PXDNL: variants seen among roughly 807,000 people sequenced by gnomAD.
The protein encoded by PXDNL is peroxidasin like, also known as probable oxidoreductase PXDNL.
PXDNL carries 145 observed loss-of-function variants against 150.8 expected under a neutral mutation model. The observed-to-expected ratio is 0.96, with a 90% CI of 0.84 to 1.10. The LOEUF (loss-of-function observed/expected upper bound fraction) is 1.10. Among genes scored for constraint, PXDNL ranks in the 50% least tolerant of loss-of-function variants. The probability of loss-of-function intolerance (pLI) is 0.00; values close to 1 mark genes in which losing one functional copy is unlikely to be tolerated. For missense variants in PXDNL, 2,087 were observed against 1,873.9 expected (o/e 1.11, Z -2.10); for synonymous variants, 757 against 725.7 (o/e 1.04, Z -0.69).
At chr8:51,453,436 G>A in intron 10 of PXDNL, 83 bp downstream of exon 10, 2 of 1,342,046 alleles carry the variant, frequency 1.5e-6, no homozygotes, top group Non-Finnish European at 1.1e-6. Flanking sequence ...CTCCACTGAT[G>A]TACATGACAT....
intron 1 of PXDNL, among the ~76,000 whole-genome samples, chr8:51,726,237 T>A (rs1816814965): frequency 6.6e-6 from 1 of 152,182 alleles, no homozygotes; most frequent in Admixed American, 6.5e-5. Context: ...ATGAGTCCCA[T>A]TACCTCTGGC....
chr8:51,684,034 G>C (rs1332920455), intron 1 of PXDNL, among the ~76,000 whole-genome samples: 1 of 152,144 alleles, frequency 6.6e-6, no homozygotes, highest in Non-Finnish European at 1.5e-5. Context: ...GTTTAAATTA[G>C]CAGTTCAGAA....
At chr8:51,414,573 C>T (rs1410904587) in intron 14 of PXDNL, among the ~76,000 whole-genome samples, 2 of 151,416 alleles carry the variant, frequency 1.3e-5, no homozygotes, top group Non-Finnish European at 2.9e-5. Flanking sequence ...CTCTAAATGG[C>T]CAATGTTGCC....
At chr8:51,420,153 G>C (rs1808909075) in intron 14 of PXDNL, among the ~76,000 whole-genome samples, 1 of 152,142 alleles carries the variant, frequency 6.6e-6, no homozygotes, top group African/African-American at 2.4e-5. Context: ...AAACTCAAAA[G>C]TCATGATCAC....
rs1370331286 is a variant in PXDNL, at chr8:51,408,612, G to T, written c.3012C>A (p.Ile1004=). The change falls in exon 17 of 23, where the codon ATC becomes ATA. Residue 1004 remains isoleucine, a synonymous_variant. Coordinates refer to ENST00000356297, the MANE Select transcript of PXDNL (RefSeq NM_144651.5). ...GNTVYQEARK[I]VGAELQHITY... ...TGATGTGCTGCAGCTCCGCGCCCAC[G>T]ATCTTCCTGGCTTCCTGGTAAACCG... 6.2e-7 allele frequency: 1 copy of T among 1,610,688 alleles called. No individual in the cohort carries two copies. The highest frequency in any genetic ancestry group is 8.5e-7 in the Non-Finnish European group (1 of 1,178,556).
intron 1 of PXDNL, among the ~76,000 whole-genome samples, chr8:51,808,605 C>A (rs1439580490): frequency 6.6e-6 from 1 of 152,180 alleles, no homozygotes; most frequent in Non-Finnish European, 1.5e-5. Flanking sequence ...GCCGATTAGT[C>A]TAAGCGGCTG....
intron 19 of PXDNL, among the ~76,000 whole-genome samples, chr8:51,369,367 T>A (rs1026345639): frequency 2.0e-5 from 3 of 152,188 alleles, no homozygotes; most frequent in African/African-American, 7.2e-5. Context: ...CATAGAGCAA[T>A]GTTTCTGTTA....
chr8:51,402,026 C>T (rs987234863), intron 17 of PXDNL, among the ~76,000 whole-genome samples: 3 of 152,088 alleles, frequency 2.0e-5, no homozygotes, highest in South Asian at 2.1e-4. Flanking sequence ...GCAACCTTTT[C>T]GGGCAAAGGA....
chr8:51,784,191 A>G (rs2037440214), intron 1 of PXDNL, among the ~76,000 whole-genome samples: 2 of 152,244 alleles, frequency 1.3e-5, no homozygotes, highest in Admixed American at 6.5e-5. Flanking sequence ...GACATATTTG[A>G]TAAATAATTT....
chr8:51,765,839 CCT>C (rs1269582285), intron 1 of PXDNL, among the ~76,000 whole-genome samples: 8 of 115,928 alleles, frequency 6.9e-5, no homozygotes, highest in African/African-American at 2.4e-4. Flanking sequence ...TTTTAATTCC[CCT>C]GTTTATTCTT....
At position 51,604,148 on chromosome 8, in the gene PXDNL, G is replaced by T. The variant is rs934177697; in HGVS notation, c.237-11450C>A. Among the ~76,000 whole-genome samples the T allele has an allele frequency of 3.3e-5, 5 of 151,994 alleles. No individual in the cohort carries two copies. The East Asian group carries it at 7.7e-4, about 24-fold the overall frequency. On this transcript the variant is annotated intron_variant, in intron 2 of 22. Coordinates refer to ENST00000356297, the MANE Select transcript of PXDNL (RefSeq NM_144651.5). Reference sequence around the variant, plus strand: ...ATTTGACCCAGCCATCCCATTACTGGGTATATACCCAAAGGATTATAAATC... The same window carrying T: ...ATTTGACCCAGCCATCCCATTACTGTGTATATACCCAAAGGATTATAAATC...
intron 19 of PXDNL, among the ~76,000 whole-genome samples, chr8:51,364,005 A>C (rs1806835405): frequency 6.6e-6 from 1 of 152,214 alleles, no homozygotes; most frequent in Non-Finnish European, 1.5e-5. Flanking sequence ...GGTATTGTAG[A>C]TTAATGACAA....
intron 4 of PXDNL, among the ~76,000 whole-genome samples, chr8:51,501,794 T>C (rs1295276731): frequency 1.3e-5 from 2 of 151,924 alleles, no homozygotes; most frequent in African/African-American, 4.8e-5. Context: ...AAAAAGGAGG[T>C]AGGGGCTGGG....
chr8:51,630,091 CAT>C (rs1814460186), intron 2 of PXDNL, among the ~76,000 whole-genome samples: 1 of 152,024 alleles, frequency 6.6e-6, no homozygotes, highest in Non-Finnish European at 1.5e-5. Context: ...AAAACAAACA[CAT>C]AGACCAATGG....
rs570879735 is a variant in PXDNL at position 51,781,170 on chromosome 8, G to T, written c.164+28011C>A. ...GTTAAATAAAATATTTATATTATAG[G>T]CATGCATTGTGGAAAGGAGACCTCT... is the stretch of plus-strand genomic sequence containing the variant. On this transcript the variant is annotated intron_variant, in intron 1 of 22. Coordinates refer to ENST00000356297, the MANE Select transcript of PXDNL (RefSeq NM_144651.5). Among the ~76,000 whole-genome samples, 3 of 152,192 alleles carry T rather than the reference G, an allele frequency of 2.0e-5. No homozygotes were observed. In the South Asian group the frequency reaches 6.2e-4, roughly 32 times the overall value.
At chr8:51,597,468 A>G (rs1813595428) in intron 2 of PXDNL, among the ~76,000 whole-genome samples, 1 of 152,188 alleles carries the variant, frequency 6.6e-6, no homozygotes, top group Non-Finnish European at 1.5e-5. Flanking sequence ...TAGGCATAGC[A>G]TTGAATCTAT....
intron 4 of PXDNL, among the ~76,000 whole-genome samples, chr8:51,506,804 G>T (rs1295646766): frequency 1.3e-5 from 2 of 152,068 alleles, no homozygotes; most frequent in East Asian, 3.9e-4. Flanking sequence ...GATCATCAAT[G>T]TCTTCTCACT....
intron 1 of PXDNL, among the ~76,000 whole-genome samples, chr8:51,787,209 T>G (rs772213126): frequency 6.6e-6 from 1 of 152,204 alleles, no homozygotes; most frequent in African/African-American, 2.4e-5. Context: ...ATGTTTTTCA[T>G]GCCTACTAAC....
At position 51,409,463 on chromosome 8, in the gene PXDNL, G is replaced by A. The variant is rs1263551229; in HGVS notation, c.2161C>T (p.Arg721Trp). 2 of 1,612,606 alleles carry A rather than the reference G, an allele frequency of 1.2e-6. No individual in the cohort carries two copies. Among genetic ancestry groups the A allele is most frequent in the African/African-American group, 1.3e-5 (1 of 74,906 alleles). Residue 721 changes from arginine (R) to tryptophan (W), a missense_variant, in exon 17 of 23, where the codon CGG (arginine) becomes TGG (tryptophan). Physicochemically the swap from Arg to Trp is moderately radical, Grantham distance 101 (BLOSUM62 -3). Coordinates refer to ENST00000356297, the MANE Select transcript of PXDNL (RefSeq NM_144651.5). Reference protein sequence around the residue: ...ARRPLPNCSNRCFHAKYRAHD... With the variant: ...ARRPLPNCSNWCFHAKYRAHD... ...GCGCGGTACTTCGCATGGAAACACCGGTTGGAGCAGTTTGGCAGAGGCCTG... is the reference window on the plus strand; with the variant it reads ...GCGCGGTACTTCGCATGGAAACACCAGTTGGAGCAGTTTGGCAGAGGCCTG...
Sources: allele counts gnomAD v4.1 joint callset (sites outside exome capture counted in the v4.1 genomes callset), GRCh38; gene constraint gnomAD v4.1.1; transcripts MANE v1.5; gene names NCBI Gene and HGNC (gene_info 2026-07-23, HGNC 2026-07-21).